Variants in GPR65 observed in about 807,000 individuals in gnomAD.
The protein encoded by GPR65 is G protein-coupled receptor 65, also known as T-cell death-associated gene 8 protein.
GPR65 carries 2 observed loss-of-function variants against 0.7 expected under a neutral mutation model. That is an observed-to-expected ratio of 2.83 (90% CI 1.16 to 8.92). The LOEUF (loss-of-function observed/expected upper bound fraction) is 8.92. GPR65 is among the 30% of genes most tolerant of loss of function. The pLI is 0.04. For missense variants in GPR65, 379 were observed against 399.4 expected, an observed-to-expected ratio of 0.95 and a Z score of 0.43; for synonymous variants, 128 against 146.5, an observed-to-expected ratio of 0.87 and a Z score of 0.91.
chr14:88,011,544 G>A lies in GPR65; in HGVS notation c.697G>A (p.Val233Ile). 1.2e-6 allele frequency: 2 copies of A among 1,613,788 alleles called. No individual in the cohort carries two copies. Among genetic ancestry groups the A allele is most frequent in the Non-Finnish European group, 1.7e-6 (2 of 1,179,760 alleles). Residue 233 changes from valine to isoleucine, a missense_variant, in exon 2 of 2, where the codon GTT (valine) becomes ATT (isoleucine). Transcript: ENST00000267549. ...RIIKLLVSIT[V>I]TFVLCFTPFH... ...CATAAAACTACTTGTCAGCATCACA[G>A]TTACTTTTGTCTTATGCTTTACTCC... is the stretch of plus-strand genomic sequence containing the variant.
chr14:88,012,059 A>G lies in GPR65; in HGVS notation c.*198A>G, dbSNP rs1887691023. On this transcript the variant is annotated 3_prime_UTR_variant, in exon 2 of 2. Coordinates refer to ENST00000267549, the MANE Select transcript of GPR65 (RefSeq NM_003608.4). ...CGTTTTATTAAATGATGTATATTAA[A>G]CAAAGATCAATATTTTCTTAATGAC... 2 of 458,672 alleles carry G rather than the reference A, an allele frequency of 4.4e-6. No homozygotes were observed. Among genetic ancestry groups the G allele is most frequent in the African/African-American group, 2.0e-5 (1 of 50,430 alleles). 28.4% of individuals were successfully genotyped at this position (458,672 alleles called of 1,614,324 possible).
chr14:88,005,676 TTA>T lies in GPR65; in HGVS notation c.-460+455_-460+456del, dbSNP rs368442955. ...ATTAATAAATGTCAAGTAATAATTA[TTA>T]GTTAATAAGTGACTACCACAGTGCC... On this transcript the variant is annotated intron_variant, in intron 1 of 1. Transcript: ENST00000267549. Among the ~76,000 whole-genome samples, 24 of 152,292 alleles carry T rather than the reference TTA, an allele frequency of 1.6e-4. No individual in the cohort carries two copies. The South Asian group carries it at 3.5e-3, about 22-fold the overall frequency.
chr14:88,009,676 A>C (rs1337938500), intron 1 of GPR65, among the ~76,000 whole-genome samples: 1 of 152,194 alleles, frequency 6.6e-6, no homozygotes, highest in Non-Finnish European at 1.5e-5. Flanking sequence ...TCTTATGTGA[A>C]TCTATGACAT....
intron 1 of GPR65, among the ~76,000 whole-genome samples, chr14:88,006,982 A>T (rs1306003587): frequency 6.6e-6 from 1 of 152,154 alleles, no homozygotes; most frequent in East Asian, 1.9e-4. Context: ...AGTTCTGTTG[A>T]GTATATAATT....
chr14:88,010,832 C>T lies in GPR65; in HGVS notation c.-16C>T, dbSNP rs1006686906. 3 of 1,576,992 alleles carry T rather than the reference C, an allele frequency of 1.9e-6. No homozygotes were observed. In the African/African-American group the frequency reaches 4.1e-5, roughly 21 times the overall value. ...TTTCTAAGAACTAATATAATTGCTA[C>T]CTTAAAAAGGAAAAAATGAACAGCA... is the stretch of plus-strand genomic sequence containing the variant. On this transcript the variant is annotated 5_prime_UTR_variant, in exon 2 of 2. Transcript: ENST00000267549.
Position 88,012,889 on chromosome 14 carries a change from G to A in GPR65, c.*1028G>A, listed in dbSNP as rs1887708531. On this transcript the variant is annotated 3_prime_UTR_variant, in exon 2 of 2. Coordinates refer to ENST00000267549, the MANE Select transcript of GPR65 (RefSeq NM_003608.4). ...CGAGCTTGAAAGATTTCTATATAAA[G>A]GAAAAGGAAATAGGCTCTGAGTTTT... 6.6e-6 allele frequency: 1 copy of A among 152,094 alleles called. No individual in the cohort carries two copies. The highest frequency in any genetic ancestry group is 2.4e-5 in the African/African-American group (1 of 41,414). 9.4% of individuals were successfully genotyped at this position (152,094 alleles called of 1,614,324 possible).
intron 1 of GPR65, among the ~76,000 whole-genome samples, chr14:88,006,777 C>G (rs551645747): frequency 1.3e-5 from 2 of 152,150 alleles, no homozygotes; most frequent in East Asian, 3.9e-4. Flanking sequence ...TGGTGTTGGA[C>G]GTGTTGTGTG....
intron 1 of GPR65, among the ~76,000 whole-genome samples, chr14:88,006,821 A>G (rs1191458398): frequency 1.3e-5 from 2 of 152,092 alleles, no homozygotes; most frequent in African/African-American, 2.4e-5. Context: ...GGCTGATTCA[A>G]TCTTCCTGCA....
rs904937461 is a variant in GPR65 at position 88,011,281 on chromosome 14, T to G, written c.434T>G (p.Phe145Cys). The G allele has an allele frequency of 1.2e-6, 2 of 1,613,828 alleles. No homozygotes were observed. The change falls in exon 2 of 2, where the codon TTC (phenylalanine) becomes TGC (cysteine). Residue 145 changes from phenylalanine (F) to cysteine (C), a missense_variant. Transcript: ENST00000267549. Reference protein sequence around the residue: ...SLSIWILETIFNAVMLWEDET... With the variant: ...SLSIWILETICNAVMLWEDET... Reference sequence around the variant, plus strand: ...TCCATCTGGATATTGGAAACCATCTTCAATGCTGTCATGTTGTGGGAAGAT... The same window carrying G: ...TCCATCTGGATATTGGAAACCATCTGCAATGCTGTCATGTTGTGGGAAGAT...
chr14:88,011,885 G>A lies in GPR65; in HGVS notation c.*24G>A. 6.7e-7 allele frequency: 1 copy of A among 1,496,768 alleles called. No homozygotes were observed. Among genetic ancestry groups the A allele is most frequent in the Non-Finnish European group, 9.0e-7 (1 of 1,114,986 alleles). The allele number at this position is 1,496,768 out of a possible 1,614,324, so 92.7% of individuals were successfully genotyped here. The stretch of plus-strand genomic sequence containing the variant: ...AGAACCAAGGATGTTTTGAAGGGAA[G>A]GGAAGTTTAAGTTATGCATTATTAT... On this transcript the variant is annotated 3_prime_UTR_variant, in exon 2 of 2. Transcript: ENST00000267549.
intron 1 of GPR65, among the ~76,000 whole-genome samples, chr14:88,007,407 T>C (rs1887609704): frequency 6.6e-6 from 1 of 151,994 alleles, no homozygotes; most frequent in Non-Finnish European, 1.5e-5. Flanking sequence ...TTTCTCCATA[T>C]CTCTTATATT....
chr14:88,011,382 T>C lies in GPR65; in HGVS notation c.535T>C (p.Trp179Arg). The change falls in exon 2 of 2, where the codon TGG becomes CGG. Residue 179 changes from tryptophan (W) to arginine (R), a missense_variant. Physicochemically the swap from Trp to Arg is moderately radical, Grantham distance 101 (BLOSUM62 -3). Coordinates refer to ENST00000267549, the MANE Select transcript of GPR65 (RefSeq NM_003608.4). ...LCYDKYPLEK[W>R]QINLNLFRTC... Reference sequence around the variant, plus strand: ...CTATGACAAATACCCTTTAGAGAAATGGCAAATCAACCTCAACTTGTTCAG... The same window carrying C: ...CTATGACAAATACCCTTTAGAGAAACGGCAAATCAACCTCAACTTGTTCAG... The C allele has an allele frequency of 6.2e-7, 1 of 1,614,096 alleles. No homozygotes were observed. The highest frequency in any genetic ancestry group is 8.5e-7 in the Non-Finnish European group (1 of 1,179,978).
Position 88,010,669 on chromosome 14 carries a change from G to C in GPR65, c.-179G>C. The C allele has an allele frequency of 1.8e-6, 1 of 561,678 alleles. No individual in the cohort carries two copies. The highest frequency in any genetic ancestry group is 3.2e-6 in the Non-Finnish European group (1 of 316,586). The allele number at this position is 561,678 out of a possible 1,614,324, so 34.8% of individuals were successfully genotyped here. ...AACTGCTGATATCTGTGTAAAAATT[G>C]ATCTACATCCACCCTTTAAAAGCAT... On this transcript the variant is annotated 5_prime_UTR_variant, in exon 2 of 2. Transcript: ENST00000267549.
rs1887725261 is a variant in GPR65, at chr14:88,013,830, T to C, written c.*1969T>C. 2 of 151,858 alleles carry C rather than the reference T, an allele frequency of 1.3e-5. No homozygotes were observed. The highest frequency in any genetic ancestry group is 2.9e-5 in the Non-Finnish European group (2 of 68,014). The allele number at this position is 151,858 out of a possible 1,614,324, so 9.4% of individuals were successfully genotyped here. ...AATCTGGGGTGAGGGGGAAGTGATG[T>C]GGGGGTTATGGTACCTCTTTTCTCT... On this transcript the variant is annotated 3_prime_UTR_variant, in exon 2 of 2. Coordinates refer to ENST00000267549, the MANE Select transcript of GPR65 (RefSeq NM_003608.4).
chr14:88,008,264 A>G (rs1392355600), intron 1 of GPR65, among the ~76,000 whole-genome samples: 5 of 152,172 alleles, frequency 3.3e-5, no homozygotes, highest in Admixed American at 3.3e-4. Flanking sequence ...AGCCACCCCT[A>G]CCAAGAGATA....
rs891027148 is a variant in GPR65, at chr14:88,014,001, G to A, written c.*2140G>A. 1.3e-5 allele frequency: 2 copies of A among 152,188 alleles called. No individual in the cohort carries two copies. The highest frequency in any genetic ancestry group is 2.9e-5 in the Non-Finnish European group (2 of 68,050). 9.4% of individuals were successfully genotyped at this position (152,188 alleles called of 1,614,324 possible). A position where few individuals can be genotyped will look rare whatever the true frequency, so the allele number is the denominator to read the frequency against. On this transcript the variant is annotated 3_prime_UTR_variant, in exon 2 of 2. Transcript: ENST00000267549. ...CCACTAGCCGCCACTCCAGAAGAGC[G>A]GAGGAACCCAGGATAATATTTTGTC... is the stretch of plus-strand genomic sequence containing the variant.
At chr14:88,009,356 T>C (rs558865766) in intron 1 of GPR65, among the ~76,000 whole-genome samples, 1 of 152,312 alleles carries the variant, frequency 6.6e-6, no homozygotes, top group Non-Finnish European at 1.5e-5. Flanking sequence ...TCCTGTTTTT[T>C]AGGTTGATAA....
chr14:88,006,834 G>A (rs1372363), intron 1 of GPR65, among the ~76,000 whole-genome samples: 1 of 152,086 alleles, frequency 6.6e-6, no homozygotes, highest in Admixed American at 6.5e-5. Flanking sequence ...TTCCTGCATC[G>A]CAGACATTAC....
chr14:88,008,014 TC>T (rs1749816266), intron 1 of GPR65, among the ~76,000 whole-genome samples: 1 of 152,176 alleles, frequency 6.6e-6, no homozygotes, highest in South Asian at 2.1e-4. Context: ...TTGTTTTCTC[TC>T]AATTACATTT....
Sources: gnomAD v4.1 joint callset for allele counts (sites outside exome capture counted in the v4.1 genomes callset) on GRCh38, gnomAD v4.1.1 for gene constraint, MANE v1.5 for transcripts, NCBI Gene and HGNC (gene_info 2026-07-23, HGNC 2026-07-21) for gene names.